CCDC171: variants seen among roughly 807,000 people sequenced by gnomAD.
CCDC171 encodes coiled-coil domain-containing protein 171.
CCDC171 carries 177 observed loss-of-function variants against 168.2 expected under a neutral mutation model. The observed-to-expected ratio is 1.05, with a 90% CI of 0.93 to 1.19. The LOEUF is 1.19. Ranked by LOEUF, CCDC171 falls within the 50% of genes most tolerant of loss-of-function variation. The pLI is 0.00. For synonymous variants in CCDC171, 687 were observed against 540.8 expected (o/e 1.27, Z -3.75); for missense variants, 1,991 against 1,539.0 (o/e 1.29, Z -4.91).
intron 6 of CCDC171, among the ~76,000 whole-genome samples, chr9:16,026,442 T>A (rs1833275912): frequency 6.6e-6 from 1 of 152,154 alleles, no homozygotes. Context: ...CCAGTCAGTG[T>A]GTTTTCAAGC....
rs2040230402 is a variant in CCDC171, at chr9:15,571,644, A to T, written c.62A>T (p.Asp21Val). ...TAAAGGTTGAAGATTGCCTCATTGG[A>T]TGTAAAACAAATACTTAAAAATGAA... ...DTQRLKIASL[D>V]VKQILKNETE... is the part of the protein sequence containing the mutation. The change falls in exon 3 of 26, where the codon GAT becomes GTT. Residue 21 changes from aspartate (D) to valine (V), a missense_variant. Asp to Val is a radical substitution (Grantham distance 152). Transcript: ENST00000380701. 2 of 1,564,530 alleles carry T rather than the reference A, an allele frequency of 1.3e-6. No homozygotes were observed. Among genetic ancestry groups the T allele is most frequent in the Non-Finnish European group, 1.7e-6 (2 of 1,162,210 alleles).
intron 3 of CCDC171, among the ~76,000 whole-genome samples, chr9:15,989,270 A>G (rs914104129): frequency 8.6e-5 from 13 of 151,702 alleles, no homozygotes; most frequent in African/African-American, 3.2e-4. Flanking sequence ...TACTGTCAGC[A>G]ATACTCACTA....
intron 24 of CCDC171, among the ~76,000 whole-genome samples, chr9:15,892,461 A>G (rs1003918241): frequency 6.6e-6 from 1 of 151,742 alleles, no homozygotes; most frequent in East Asian, 1.9e-4. Context: ...TGAGATAATC[A>G]TGTGTTTTTT....
rs570811588 is a variant in CCDC171 at position 15,701,341 on chromosome 9, C to G, written c.1318+6004C>G. On this transcript the variant is annotated intron_variant, in intron 11 of 25. Transcript: ENST00000380701. ...TAGATCAGTGTCCTGAAGGATTTCT[C>G]ATATGTTTTTTCTAGTAGTTTTGTA... 2.6e-5 allele frequency among the ~76,000 whole-genome samples: 4 copies of G among 152,236 alleles called. No homozygotes were observed. In the South Asian group the frequency reaches 6.2e-4, roughly 24 times the overall value.
At chr9:15,554,422 G>A (rs543536772) in intron 1 of CCDC171, among the ~76,000 whole-genome samples, 2 of 152,326 alleles carry the variant, frequency 1.3e-5, no homozygotes, top group South Asian at 2.1e-4. Context: ...AACAAAGGCA[G>A]TGCAACCTGC....
chr9:15,604,445 A>G (rs1239649111), intron 6 of CCDC171, among the ~76,000 whole-genome samples: 1 of 152,164 alleles, frequency 6.6e-6, no homozygotes, highest in Non-Finnish European at 1.5e-5. Flanking sequence ...GGGATTGAAA[A>G]CATTTAGAAG....
At chr9:15,885,736 G>A (rs895916405) in intron 24 of CCDC171, 4 of 152,138 alleles carry the variant, frequency 2.6e-5, no homozygotes, top group Non-Finnish European at 5.9e-5. Context: ...AACTGACCCC[G>A]ATTTGCCCTA....
At chr9:16,075,827 C>T in the CCDC171 span, among the ~76,000 whole-genome samples, 1 of 152,064 alleles carries the variant, frequency 6.6e-6, no homozygotes, top group Non-Finnish European at 1.5e-5. Context: ...AGTGAGTCAG[C>T]CAGCATTAAA....
intron 6 of CCDC171, among the ~76,000 whole-genome samples, chr9:15,622,923 A>C (rs2044621565): frequency 6.6e-6 from 1 of 152,214 alleles, no homozygotes; most frequent in Non-Finnish European, 1.5e-5. Flanking sequence ...TACATTTAAA[A>C]ATTTTAATGA....
chr9:15,605,985 G>T (rs1220664894), intron 6 of CCDC171, among the ~76,000 whole-genome samples: 1 of 152,104 alleles, frequency 6.6e-6, no homozygotes, highest in African/African-American at 2.4e-5. Context: ...TGAAACTGCA[G>T]ATATGCTGTG....
At chr9:15,624,478 A>G (rs984402262) in intron 7 of CCDC171, among the ~76,000 whole-genome samples, 3 of 151,912 alleles carry the variant, frequency 2.0e-5, no homozygotes, top group Non-Finnish European at 4.4e-5. Flanking sequence ...CCACCCCATG[A>G]CAGGCCCCGG....
rs777939882 is a variant in CCDC171, at chr9:15,971,606, C to T, written c.3754-3C>T. The T allele has an allele frequency of 6.2e-7, 1 of 1,606,352 alleles. No homozygotes were observed. The highest frequency in any genetic ancestry group is 2.2e-5 in the East Asian group (1 of 44,822). ...TATTATTTTTTTCTTTTGTATGTCA[C>T]AGATAGGATCACGAGACCATTCAAA... On this transcript the variant is annotated splice_region_variant and splice_polypyrimidine_tract_variant and intron_variant, in intron 25 of 25. Coordinates refer to ENST00000380701, the MANE Select transcript of CCDC171 (RefSeq NM_173550.4).
chr9:15,583,143 G>A (rs868692124), intron 4 of CCDC171, among the ~76,000 whole-genome samples: 10 of 152,132 alleles, frequency 6.6e-5, no homozygotes, highest in East Asian at 5.8e-4. Flanking sequence ...TAGGCTGGGC[G>A]CGGTGGCTCA....
chr9:15,894,379 G>A (rs1282232032), intron 24 of CCDC171, among the ~76,000 whole-genome samples: 1 of 151,990 alleles, frequency 6.6e-6, no homozygotes, highest in African/African-American at 2.4e-5. Flanking sequence ...CATGGCACAC[G>A]TTTACCTGTG....
At position 15,591,475 on chromosome 9, in the gene CCDC171, A is replaced by C; in HGVS notation, c.462A>C (p.Glu154Asp). The change falls in exon 5 of 26, where the codon GAA becomes GAC. Residue 154 changes from glutamate to aspartate, a missense_variant. Transcript: ENST00000380701. Reference protein sequence around the residue: ...ECRRFEHDLEERDNMIQNCNR... With the variant: ...ECRRFEHDLEDRDNMIQNCNR... ...GAAGATTTGAACATGATTTGGAGGAAAGAGACAATATGATCCAAAATTGCA... is the reference window on the plus strand; with the variant it reads ...GAAGATTTGAACATGATTTGGAGGACAGAGACAATATGATCCAAAATTGCA... 6.2e-7 allele frequency: 1 copy of C among 1,609,358 alleles called. No individual in the cohort carries two copies. The highest frequency in any genetic ancestry group is 8.5e-7 in the Non-Finnish European group (1 of 1,177,294).
At chr9:16,099,892 G>C in the CCDC171 span, among the ~76,000 whole-genome samples, 1 of 151,924 alleles carries the variant, frequency 6.6e-6, no homozygotes, top group African/African-American at 2.4e-5. Context: ...TGATTATAAA[G>C]ACATCCACCC....
At chr9:16,008,618 T>C (rs1048075107) in intron 3 of CCDC171, among the ~76,000 whole-genome samples, 2 of 152,188 alleles carry the variant, frequency 1.3e-5, no homozygotes, top group Non-Finnish European at 2.9e-5. Context: ...GGTCCCCTGT[T>C]CTTGCCATTT....
chr9:15,731,266 T>C (rs899486740), intron 16 of CCDC171, among the ~76,000 whole-genome samples: 1 of 152,092 alleles, frequency 6.6e-6, no homozygotes, highest in South Asian at 2.1e-4. Flanking sequence ...TACAATTTGA[T>C]GTTTTGATCA....
chr9:15,938,022 C>G (rs78477166), intron 25 of CCDC171, among the ~76,000 whole-genome samples: 19 of 151,674 alleles, frequency 1.3e-4, no homozygotes, highest in African/African-American at 4.6e-4. Context: ...TTAGTAATCC[C>G]GTAATCTAAA....
Sources: gnomAD v4.1 joint callset for allele counts (sites outside exome capture counted in the v4.1 genomes callset) on GRCh38, gnomAD v4.1.1 for gene constraint, MANE v1.5 for transcripts, NCBI Gene and HGNC (gene_info 2026-07-23, HGNC 2026-07-21) for gene names.